Variants in GRM7 observed in about 807,000 individuals in gnomAD.
GRM7 encodes metabotropic glutamate receptor 7.
A neutral mutation model predicts 84.5 loss-of-function variants in GRM7; 35 were observed. The observed-to-expected ratio is 0.41, with a 90% CI of 0.32 to 0.55. GRM7 has a LOEUF of 0.55. Among genes scored for constraint, GRM7 ranks in the 20% least tolerant of loss-of-function variants. GRM7 has a pLI of 0.19. For missense variants in GRM7, 1,003 were observed against 1,194.6 expected (o/e 0.84, Z 2.36); for synonymous variants, 487 against 455.1 (o/e 1.07, Z -0.89).
At position 6,970,593 on chromosome 3, in the gene GRM7, G is replaced by A. The variant is rs577863203; in HGVS notation, c.519+108686G>A. On this transcript the variant is annotated intron_variant, in intron 1 of 9. Coordinates refer to ENST00000357716, the MANE Select transcript of GRM7 (RefSeq NM_000844.4). ...AAGCCGTGGTGGGAATTTGAGCGTAGCTGGACGTTATCTCTTAGGCTGGTG... is the reference window on the plus strand; with the variant it reads ...AAGCCGTGGTGGGAATTTGAGCGTAACTGGACGTTATCTCTTAGGCTGGTG... Among the ~76,000 whole-genome samples the A allele has an allele frequency of 2.6e-5, 4 of 152,314 alleles. No individual in the cohort carries two copies. In the East Asian group the frequency reaches 5.8e-4, roughly 22 times the overall value.
At chr3:7,450,024 G>C (rs1488371813) in intron 5 of GRM7, among the ~76,000 whole-genome samples, 1 of 151,866 alleles carries the variant, frequency 6.6e-6, no homozygotes. Flanking sequence ...AAAGAATAAT[G>C]ACAAACTGGG....
intron 9 of GRM7, among the ~76,000 whole-genome samples, chr3:7,709,329 G>A (rs1026349528): frequency 1.3e-5 from 2 of 151,274 alleles, no homozygotes; most frequent in Non-Finnish European, 2.9e-5. Flanking sequence ...ATAGAAAAAT[G>A]GCATAGTTTG....
At chr3:7,431,909 T>C (rs944726689) in intron 5 of GRM7, among the ~76,000 whole-genome samples, 11 of 144,266 alleles carry the variant, frequency 7.6e-5, no homozygotes, top group Non-Finnish European at 1.7e-4. Flanking sequence ...AAGGTTTAAA[T>C]ACCTAGCAGG....
At chr3:7,220,694 TTAA>T (rs1696771672) in intron 2 of GRM7, among the ~76,000 whole-genome samples, 1 of 152,230 alleles carries the variant, frequency 6.6e-6, no homozygotes, top group South Asian at 2.1e-4. Flanking sequence ...TGCATATTAA[TTAA>T]TGTTAGATGT....
At chr3:7,225,480 T>TA (rs1696953643) in intron 2 of GRM7, among the ~76,000 whole-genome samples, 1 of 147,618 alleles carries the variant, frequency 6.8e-6, no homozygotes, top group Non-Finnish European at 1.5e-5. Flanking sequence ...ATAATAAATG[T>TA]AAATATAAAT....
chr3:7,095,868 T>C (rs1458664779), intron 1 of GRM7, among the ~76,000 whole-genome samples: 10 of 152,198 alleles, frequency 6.6e-5, no homozygotes, highest in African/African-American at 1.9e-4. Flanking sequence ...AAAATGTGAA[T>C]TACTAGTCAA....
chr3:7,527,255 G>A (rs886231604), intron 7 of GRM7, among the ~76,000 whole-genome samples: 4 of 151,852 alleles, frequency 2.6e-5, no homozygotes, highest in African/African-American at 9.7e-5. Context: ...TTGGTTATAA[G>A]TATTTGTAGG....
At chr3:6,876,898 G>A (rs1473924756) in intron 1 of GRM7, among the ~76,000 whole-genome samples, 3 of 151,954 alleles carry the variant, frequency 2.0e-5, no homozygotes, top group Non-Finnish European at 2.9e-5. Context: ...CACCAACCCC[G>A]GCCTACCACT....
At chr3:7,372,056 A>T (rs1694161155) in intron 4 of GRM7, among the ~76,000 whole-genome samples, 1 of 152,148 alleles carries the variant, frequency 6.6e-6, no homozygotes, top group Non-Finnish European at 1.5e-5. Flanking sequence ...GTCCAGTCAG[A>T]CATTCTGTAC....
chr3:7,523,404 A>C (rs762786622), intron 7 of GRM7, among the ~76,000 whole-genome samples: 19 of 152,134 alleles, frequency 1.2e-4, no homozygotes, highest in African/African-American at 1.9e-4. Flanking sequence ...AGAATGTGGA[A>C]GTAAGTTTTG....
At chr3:7,321,568 A>G (rs1700783313) in intron 4 of GRM7, among the ~76,000 whole-genome samples, 1 of 150,686 alleles carries the variant, frequency 6.6e-6, no homozygotes, top group Non-Finnish European at 1.5e-5. Context: ...TTTCTATTTT[A>G]TTTCATAGTT....
chr3:7,587,448 A>T (rs2125060363), intron 8 of GRM7, among the ~76,000 whole-genome samples: 1 of 152,250 alleles, frequency 6.6e-6, no homozygotes, highest in South Asian at 2.1e-4. Flanking sequence ...CAGAAGGTAA[A>T]ATAGTCACAT....
chr3:7,496,872 C>A (rs1256187583), intron 7 of GRM7, among the ~76,000 whole-genome samples: 1 of 151,902 alleles, frequency 6.6e-6, no homozygotes, highest in Admixed American at 6.6e-5. Context: ...AAAAATGTGA[C>A]AAAATGTTAA....
intron 9 of GRM7, among the ~76,000 whole-genome samples, chr3:7,738,800 T>C (rs1559514169): frequency 6.6e-6 from 1 of 151,928 alleles, no homozygotes; most frequent in Non-Finnish European, 1.5e-5. Context: ...GCTGTGACTA[T>C]TGCTTGCAAC....
intron 8 of GRM7, among the ~76,000 whole-genome samples, chr3:7,622,514 A>T (rs1697404442): frequency 6.6e-6 from 1 of 152,044 alleles, no homozygotes; most frequent in Non-Finnish European, 1.5e-5. Context: ...TAATCCCACA[A>T]ATAGAAAATT....
intron 2 of GRM7, among the ~76,000 whole-genome samples, chr3:7,273,715 G>T (rs939570180): frequency 2.6e-5 from 4 of 151,776 alleles, no homozygotes; most frequent in Non-Finnish European, 5.9e-5. Flanking sequence ...CTTTCTTCAT[G>T]GACTTTTTAA....
In GRM7 at chr3:7,576,900, T is replaced by C. The variant is rs765210716; in HGVS notation, c.1516-1522T>C. ...ACATAGATAAATTTACTGGCTTACA[T>C]AATGTCATAGTCTAGGAAAATTCTT... On this transcript the variant is annotated intron_variant, in intron 7 of 9. Transcript: ENST00000357716. Among the ~76,000 whole-genome samples the C allele has an allele frequency of 3.3e-4, 50 of 152,210 alleles. 1 individual carries two copies. Among genetic ancestry groups the C allele is most frequent in the Non-Finnish European group, 1.2e-4 (8 of 68,042 alleles).
intron 8 of GRM7, among the ~76,000 whole-genome samples, chr3:7,655,793 A>AAG (rs1699154238): frequency 6.6e-6 from 1 of 151,992 alleles, no homozygotes; most frequent in Non-Finnish European, 1.5e-5. Flanking sequence ...TGGAGAAAAA[A>AAG]CTTCTCACCC....
At chr3:7,509,336 T>G (rs1700128433) in intron 7 of GRM7, among the ~76,000 whole-genome samples, 1 of 152,178 alleles carries the variant, frequency 6.6e-6, no homozygotes, top group Non-Finnish European at 1.5e-5. Flanking sequence ...TAAATTAAAC[T>G]TCATCTTAGG....
Sources: allele counts gnomAD v4.1 joint callset (sites outside exome capture counted in the v4.1 genomes callset), GRCh38; gene constraint gnomAD v4.1.1; transcripts MANE v1.5; gene names NCBI Gene and HGNC (gene_info 2026-07-23, HGNC 2026-07-21).